The following EYA1 variants were observed in gnomAD, a reference collection of about 807,000 sequenced individuals.
EYA1 encodes EYA transcriptional coactivator and phosphatase 1, also known as protein phosphatase EYA1.
A neutral mutation model predicts 82.0 loss-of-function variants in EYA1; 16 were observed. The ratio of observed to expected loss-of-function variants is 0.20; its 90% confidence interval spans 0.13 to 0.30. The LOEUF (loss-of-function observed/expected upper bound fraction) is 0.30, where lower values mean the gene tolerates loss of function less well. Among genes scored for constraint, EYA1 ranks in the 10% least tolerant of loss-of-function variants. The pLI, the probability that EYA1 is intolerant of heterozygous loss-of-function variation, is 1.00. For missense variants in EYA1, 633 were observed against 730.7 expected, an observed-to-expected ratio of 0.87 and a Z score of 1.54; for synonymous variants, 261 against 264.4, an observed-to-expected ratio of 0.99 and a Z score of 0.12.
intron 2 of EYA1, among the ~76,000 whole-genome samples, chr8:71,488,508 A>G (rs1810741060): frequency 6.6e-6 from 1 of 152,210 alleles, no homozygotes; most frequent in African/African-American, 2.4e-5. Context: ...TTCAATTTAT[A>G]TATGCATCCC....
rs748482012 is a variant in EYA1, at chr8:71,322,223, G to A, written c.248C>T (p.Ser83Phe). ...SFSPRPTHQFSPPQIYPSNRP... is the reference protein window; with the variant it reads ...SFSPRPTHQFFPPQIYPSNRP... ...CTTGGAAGGGTAAATCTGTGGTGGA[G>A]AGAACTGGTGAGTTGGTCGTGGGCT... The change falls in exon 5 of 18, where the codon TCT becomes TTT. Residue 83 changes from serine (S) to phenylalanine (F), a missense_variant. Coordinates refer to ENST00000340726, the MANE Select transcript of EYA1 (RefSeq NM_000503.6). The A allele has an allele frequency of 1.2e-6, 2 of 1,613,916 alleles. No homozygotes were observed. The highest frequency in any genetic ancestry group is 1.3e-5 in the African/African-American group (1 of 74,936).
At chr8:71,431,045 A>G (rs1026588073) in intron 2 of EYA1, among the ~76,000 whole-genome samples, 1 of 152,186 alleles carries the variant, frequency 6.6e-6, no homozygotes, top group Non-Finnish European at 1.5e-5. Flanking sequence ...TCTATGTTTG[A>G]CGGCTATAGA....
At chr8:71,280,250 T>C (rs976765094) in intron 9 of EYA1, among the ~76,000 whole-genome samples, 9 of 152,186 alleles carry the variant, frequency 5.9e-5, no homozygotes, top group Non-Finnish European at 1.2e-4. Flanking sequence ...GCTGAGTTTC[T>C]GAGAAAAGAA....
intron 11 of EYA1, among the ~76,000 whole-genome samples, chr8:71,248,368 A>C (rs975643559): frequency 1.1e-4 from 16 of 152,242 alleles, no homozygotes; most frequent in Admixed American, 9.2e-4. Context: ...TCAGTAAAAA[A>C]CACAATTAAC....
chr8:71,208,133 T>A (rs1032841770), intron 17 of EYA1, among the ~76,000 whole-genome samples: 1 of 152,144 alleles, frequency 6.6e-6, no homozygotes, highest in Non-Finnish European at 1.5e-5. Flanking sequence ...GTTTCCAGTA[T>A]AAAAATTAAC....
At position 71,427,314 on chromosome 8, in the gene EYA1, A is replaced by T. The variant is rs114185493; in HGVS notation, c.34-70803T>A. ...TCCCTATGTTTGGTTAGCTTATTATATCGACTCCCCTGCTGCTTAATGACC... is the reference window on the plus strand; with the variant it reads ...TCCCTATGTTTGGTTAGCTTATTATTTCGACTCCCCTGCTGCTTAATGACC... On this transcript the variant is annotated intron_variant, in intron 2 of 18. Coordinates refer to the EYA1 transcript ENST00000643681. 9.4e-3 allele frequency among the ~76,000 whole-genome samples: 1,428 copies of T among 152,286 alleles called. 19 individuals are homozygous for T. The highest frequency in any genetic ancestry group is 0.033 in the African/African-American group (1,354 of 41,550).
chr8:71,532,410 G>A (rs1381840026), intron 2 of EYA1, among the ~76,000 whole-genome samples: 1 of 152,192 alleles, frequency 6.6e-6, no homozygotes, highest in African/African-American at 2.4e-5. Flanking sequence ...TGAGCTGAAA[G>A]AAAGACATGA....
At chr8:71,475,469 G>A (rs972744397) in intron 2 of EYA1, among the ~76,000 whole-genome samples, 1 of 151,996 alleles carries the variant, frequency 6.6e-6, no homozygotes, top group Non-Finnish European at 1.5e-5. Flanking sequence ...ATTTTAACTA[G>A]GCAAATTCTG....
At chr8:71,446,316 G>A (rs1054337384) in intron 2 of EYA1, among the ~76,000 whole-genome samples, 1 of 152,040 alleles carries the variant, frequency 6.6e-6, no homozygotes, top group Non-Finnish European at 1.5e-5. Flanking sequence ...TAGTGAGTGA[G>A]TGCTCATGAG....
chr8:71,469,174 A>T (rs1026213680), intron 2 of EYA1, among the ~76,000 whole-genome samples: 1 of 152,060 alleles, frequency 6.6e-6, no homozygotes, highest in African/African-American at 2.4e-5. Context: ...AGTAAAAAAA[A>T]AATCTGTCCT....
At chr8:71,232,881 A>G (rs567825532) in intron 12 of EYA1, among the ~76,000 whole-genome samples, 2 of 152,312 alleles carry the variant, frequency 1.3e-5, no homozygotes, top group East Asian at 1.9e-4. Context: ...ACAGCAGCAT[A>G]GACTTCCTTA....
intron 2 of EYA1, among the ~76,000 whole-genome samples, chr8:71,473,010 G>A (rs1563648231): frequency 6.6e-6 from 1 of 151,746 alleles, no homozygotes; most frequent in Non-Finnish European, 1.5e-5. Context: ...CACTCTCAAT[G>A]TGTTATGACT....
intron 2 of EYA1, among the ~76,000 whole-genome samples, chr8:71,452,128 C>T (rs556486119): frequency 2.1e-4 from 32 of 152,344 alleles, no homozygotes; most frequent in African/African-American, 3.4e-4. Flanking sequence ...TTATATCCCA[C>T]GCATGGCTTG....
At chr8:71,292,352 T>C (rs1438919122) in intron 9 of EYA1, among the ~76,000 whole-genome samples, 2 of 152,092 alleles carry the variant, frequency 1.3e-5, no homozygotes, top group Non-Finnish European at 2.9e-5. Flanking sequence ...ATTGGCTTTG[T>C]AAAAGATGGG....
intron 2 of EYA1, among the ~76,000 whole-genome samples, chr8:71,497,846 A>G (rs1223100804): frequency 6.6e-6 from 1 of 152,208 alleles, no homozygotes; most frequent in African/African-American, 2.4e-5. Flanking sequence ...AATTTTTAAA[A>G]TTGTGGTATA....
chr8:71,282,366 A>G (rs1255236656), intron 9 of EYA1, among the ~76,000 whole-genome samples: 1 of 152,234 alleles, frequency 6.6e-6, no homozygotes, highest in Non-Finnish European at 1.5e-5. Flanking sequence ...AGTCACTGAA[A>G]GAATTGAGAA....
At position 71,403,229 on chromosome 8, in the gene EYA1, C is replaced by G. The variant is rs73684798; in HGVS notation, c.34-46718G>C. Among the ~76,000 whole-genome samples, 1,406 of 152,080 alleles carry G rather than the reference C, an allele frequency of 9.2e-3. 27 individuals carry two copies. Among genetic ancestry groups the G allele is most frequent in the African/African-American group, 0.032 (1,340 of 41,478 alleles). Reference sequence around the variant, plus strand: ...CTTGATTAGAAAAAGGTGAGCAATCCAATACAAAATTGTTCAAAGAATATG... The same window carrying G: ...CTTGATTAGAAAAAGGTGAGCAATCGAATACAAAATTGTTCAAAGAATATG... On this transcript the variant is annotated intron_variant, in intron 2 of 18. Coordinates refer to the EYA1 transcript ENST00000643681.
intron 2 of EYA1, among the ~76,000 whole-genome samples, chr8:71,459,736 G>T (rs573788009): frequency 2.0e-5 from 3 of 151,552 alleles, no homozygotes; most frequent in African/African-American, 7.3e-5. Flanking sequence ...TTTTTTATTT[G>T]TCTTTCCAAC....
At chr8:71,225,856 C>A (rs1191706940) in intron 12 of EYA1, among the ~76,000 whole-genome samples, 8 of 152,142 alleles carry the variant, frequency 5.3e-5, no homozygotes, top group Non-Finnish European at 1.2e-4. Flanking sequence ...TTATAATATC[C>A]TTTAGAGATT....
Sources: allele counts gnomAD v4.1 joint callset (sites outside exome capture counted in the v4.1 genomes callset), GRCh38; gene constraint gnomAD v4.1.1; transcripts MANE v1.5; gene names NCBI Gene and HGNC (gene_info 2026-07-23, HGNC 2026-07-21).